IL1RAPL1: variants seen among roughly 807,000 people sequenced by gnomAD.
IL1RAPL1 encodes the protein interleukin-1 receptor accessory protein-like 1.
IL1RAPL1 carries 3 observed loss-of-function variants against 48.4 expected under a neutral mutation model. That is an observed-to-expected ratio of 0.06 (90% CI 0.03 to 0.16). The LOEUF (loss-of-function observed/expected upper bound fraction) is 0.16. Ranked by LOEUF, IL1RAPL1 falls within the 10% of genes least tolerant of loss-of-function variation. The pLI is 1.00. For missense variants in IL1RAPL1, 349 were observed against 530.6 expected, an observed-to-expected ratio of 0.66 and a Z score of 3.36; for synonymous variants, 185 against 187.7, an observed-to-expected ratio of 0.99 and a Z score of 0.12.
At chrX:29,377,397 A>G (rs779109135) in intron 3 of IL1RAPL1, among the ~76,000 whole-genome samples, 1 of 111,642 alleles carries the variant, frequency 9.0e-6, no homozygotes, top group African/African-American at 3.3e-5. Context: ...TGATCCTTTC[A>G]TCATGTAGTT....
intron 2 of IL1RAPL1, among the ~76,000 whole-genome samples, chrX:29,150,303 T>C (rs1216941154): frequency 8.9e-6 from 1 of 112,107 alleles, no homozygotes; most frequent in Non-Finnish European, 1.9e-5. Context: ...AGCTTTCTTA[T>C]CCGTTGTTCC....
chrX:29,760,428 C>T (rs767919076), intron 6 of IL1RAPL1, among the ~76,000 whole-genome samples: 1 of 111,628 alleles, frequency 9.0e-6, no homozygotes, highest in East Asian at 2.8e-4. Context: ...TGTATTATCT[C>T]CTAGAACTGC....
rs141799318 is a variant in IL1RAPL1 at position 29,591,027 on chromosome X, G to T, written c.704-77403G>T. Among the ~76,000 whole-genome samples the T allele has an allele frequency of 8.2e-3, 926 of 112,291 alleles. 11 individuals carry two copies. Among genetic ancestry groups the T allele is most frequent in the African/African-American group, 0.028 (877 of 30,896 alleles). ...TTCTCTGGCATTACACATCCTCGAG[G>T]CATGCACCGTAGGGTAAAGGACACC... On this transcript the variant is annotated intron_variant, in intron 5 of 10. Transcript: ENST00000378993.
intron 2 of IL1RAPL1, among the ~76,000 whole-genome samples, chrX:29,267,095 G>C (rs771715465): frequency 2.9e-4 from 32 of 111,699 alleles, no homozygotes; most frequent in African/African-American, 1.0e-3. Flanking sequence ...CAAACTCTAT[G>C]TTCTATCCAA....
chrX:29,912,246 C>T (rs957576566), intron 6 of IL1RAPL1, among the ~76,000 whole-genome samples: 6 of 111,029 alleles, frequency 5.4e-5, no homozygotes, highest in East Asian at 5.6e-4. Context: ...CTAGTTTACA[C>T]GATAAATTTG....
chrX:28,624,491 C>T (rs761866759), intron 1 of IL1RAPL1, among the ~76,000 whole-genome samples: 91 of 111,996 alleles, frequency 8.1e-4, no homozygotes, highest in African/African-American at 2.7e-3. Context: ...CATGCGTATG[C>T]ACCCCACAGA....
intron 2 of IL1RAPL1, among the ~76,000 whole-genome samples, chrX:29,067,391 C>G (rs994253217): frequency 2.7e-5 from 3 of 112,350 alleles, no homozygotes; most frequent in African/African-American, 9.7e-5. Context: ...AAAATGCTAG[C>G]TTCTCAATCA....
chrX:29,155,395 T>C (rs1929549888), intron 2 of IL1RAPL1, among the ~76,000 whole-genome samples: 1 of 112,118 alleles, frequency 8.9e-6, no homozygotes, highest in East Asian at 2.8e-4. Context: ...CCTTTGTTTT[T>C]TGCACTGAAT....
At chrX:29,742,667 C>T (rs1928235872) in intron 6 of IL1RAPL1, among the ~76,000 whole-genome samples, 1 of 111,899 alleles carries the variant, frequency 8.9e-6, no homozygotes, top group East Asian at 2.8e-4. Context: ...ATCTCAAAAT[C>T]ATGAGTTGAA....
rs765636531 is a variant in IL1RAPL1, at chrX:28,628,824, A to AGTTCCTTACG, written c.-25+40781_-25+40790dup. Among the ~76,000 whole-genome samples the AGTTCCTTACG allele has an allele frequency of 4.7e-4, 53 of 112,278 alleles. 1 individual carries two copies. Among genetic ancestry groups the AGTTCCTTACG allele is most frequent in the Admixed American group, 4.3e-3 (45 of 10,562 alleles). On this transcript the variant is annotated intron_variant, in intron 1 of 10. Coordinates refer to ENST00000378993, the MANE Select transcript of IL1RAPL1 (RefSeq NM_014271.4). ...TCTCTGAATTCATAGCTATGCAAAC[A>AGTTCCTTACG]GTTCCTTACGGTTGACGGGTTTTAT...
At chrX:29,668,185 A>G (rs1406998548) in intron 5 of IL1RAPL1, among the ~76,000 whole-genome samples, 1 of 112,222 alleles carries the variant, frequency 8.9e-6, no homozygotes, top group Non-Finnish European at 1.9e-5. Context: ...ACCAATCCTG[A>G]TGGTCTAATT....
intron 2 of IL1RAPL1, among the ~76,000 whole-genome samples, chrX:28,842,591 C>G (rs1921402114): frequency 1.8e-5 from 2 of 111,402 alleles, no homozygotes; most frequent in Non-Finnish European, 3.8e-5. Context: ...AAGACAATTA[C>G]TTTTAATCTG....
At chrX:29,297,266 A>C (rs192155080) in intron 3 of IL1RAPL1, among the ~76,000 whole-genome samples, 4 of 112,667 alleles carry the variant, frequency 3.6e-5, no homozygotes, top group Non-Finnish European at 7.5e-5. Flanking sequence ...AAAGCAGCTT[A>C]AGTAAGATAG....
chrX:29,260,763 G>A (rs1295028393), intron 2 of IL1RAPL1, among the ~76,000 whole-genome samples: 1 of 110,668 alleles, frequency 9.0e-6, no homozygotes, highest in Non-Finnish European at 1.9e-5. Flanking sequence ...AATAAAAGAT[G>A]AAAAAGTATT....
At chrX:29,615,221 G>A (rs1392474496) in intron 5 of IL1RAPL1, among the ~76,000 whole-genome samples, 1 of 112,081 alleles carries the variant, frequency 8.9e-6, no homozygotes, top group Non-Finnish European at 1.9e-5. Context: ...AAAAACAAAT[G>A]TAAGTCTAAA....
At chrX:29,545,036 A>C (rs1285757962) in intron 5 of IL1RAPL1, among the ~76,000 whole-genome samples, 2 of 110,388 alleles carry the variant, frequency 1.8e-5, no homozygotes, top group African/African-American at 6.6e-5. Flanking sequence ...ACCATCTGCA[A>C]GTCAAGGAGA....
chrX:28,723,786 A>G (rs1301575092), intron 1 of IL1RAPL1, among the ~76,000 whole-genome samples: 1 of 111,752 alleles, frequency 8.9e-6, no homozygotes, highest in East Asian at 2.8e-4. Context: ...AGATTCTGGT[A>G]TGTTGTGTCT....
At chrX:28,962,342 C>G (rs1173828643) in intron 2 of IL1RAPL1, among the ~76,000 whole-genome samples, 1 of 111,777 alleles carries the variant, frequency 8.9e-6, no homozygotes, top group East Asian at 2.8e-4. Context: ...AAAATTCAAA[C>G]TACCTCTTCT....
At chrX:28,824,202 T>A (rs999541454) in intron 2 of IL1RAPL1, among the ~76,000 whole-genome samples, 1 of 111,439 alleles carries the variant, frequency 9.0e-6, no homozygotes, top group Non-Finnish European at 1.9e-5. Flanking sequence ...TCAAATAATA[T>A]CATTTGACCC....
Sources: allele counts gnomAD v4.1 joint callset (sites outside exome capture counted in the v4.1 genomes callset), GRCh38; gene constraint gnomAD v4.1.1; transcripts MANE v1.5; gene names NCBI Gene and HGNC (gene_info 2026-07-23, HGNC 2026-07-21).